G2E3: variants seen among roughly 807,000 people sequenced by gnomAD.
G2E3 encodes G2/M-phase specific E3 ubiquitin protein ligase.
In G2E3, 35 loss-of-function variants were observed where a neutral mutation model predicts 92.8. The observed-to-expected ratio is 0.38, with a 90% confidence interval of 0.29 to 0.50. The LOEUF (loss-of-function observed/expected upper bound fraction) is 0.50, where lower values mean the gene tolerates loss of function less well. Ranked by LOEUF, G2E3 falls within the 20% of genes least tolerant of loss-of-function variation. G2E3 has a pLI of 0.94. For synonymous variants in G2E3, 242 were observed against 272.4 expected (o/e 0.89, Z 1.10); for missense variants, 554 against 823.8 (o/e 0.67, Z 4.01).
At chr14:30,581,459 CA>C in intron 2 of G2E3, among the ~76,000 whole-genome samples, 1 of 152,216 alleles carries the variant, frequency 6.6e-6, no homozygotes, top group Non-Finnish European at 1.5e-5. Flanking sequence ...GCAATTCCAG[CA>C]CTTTACGAGG....
intron 1 of G2E3, chr14:30,560,139 A>G (rs560686777): frequency 4.0e-5 from 6 of 151,064 alleles, no homozygotes; most frequent in Admixed American, 6.6e-5. Context: ...TTAATGATGA[A>G]CTATCTGAAA....
At chr14:30,588,752 A>G (rs1880851863) in intron 3 of G2E3, among the ~76,000 whole-genome samples, 1 of 152,154 alleles carries the variant, frequency 6.6e-6, no homozygotes, top group Non-Finnish European at 1.5e-5. Flanking sequence ...CTTGCAAGCC[A>G]GGATTTCTTA....
chr14:30,577,188 G>C (rs1278533301), intron 1 of G2E3, among the ~76,000 whole-genome samples: 1 of 125,780 alleles, frequency 8.0e-6, no homozygotes, highest in Admixed American at 1.0e-4. Context: ...TTGCGTCACT[G>C]CAATCCAGCC....
chr14:30,589,464 G>A lies in G2E3; in HGVS notation c.217G>A (p.Val73Met). The part of the protein sequence containing the change: ...GFLIEDIRKE[V>M]NRASKLKCCV... Reference sequence around the variant, plus strand: ...TCTAATAGAAGATATCAGGAAGGAAGTGAATAGAGCTTCTAAACTGGTAAG... The same window carrying A: ...TCTAATAGAAGATATCAGGAAGGAAATGAATAGAGCTTCTAAACTGGTAAG... Residue 73 changes from valine (V) to methionine (M), a missense_variant, in exon 4 of 15, where the codon GTG (valine) becomes ATG (methionine). Physicochemically the swap from Val to Met is conservative, Grantham distance 21. Around this residue, in one of 3 missense-constraint regions of G2E3, gnomAD observed 137 missense variants for 201.3 expected, o/e 0.68. Coordinates refer to ENST00000206595, the MANE Select transcript of G2E3 (RefSeq NM_017769.5). 1 of 1,555,820 alleles carries A rather than the reference G, an allele frequency of 6.4e-7. No homozygotes were observed. The highest frequency in any genetic ancestry group is 8.9e-7 in the Non-Finnish European group (1 of 1,128,448).
intron 1 of G2E3, among the ~76,000 whole-genome samples, chr14:30,571,737 C>CT (rs1159007605): frequency 6.6e-6 from 1 of 152,000 alleles, no homozygotes; most frequent in African/African-American, 2.4e-5. Flanking sequence ...GGGTCTGTTT[C>CT]TGGCCTTTCC....
At chr14:30,613,099 A>AAAC (rs1390734549) in intron 13 of G2E3, among the ~76,000 whole-genome samples, 1 of 152,160 alleles carries the variant, frequency 6.6e-6, no homozygotes, top group Admixed American at 6.5e-5. Context: ...CCTTTAGTTT[A>AAAC]GAACACTGGT....
chr14:30,561,870 C>T (rs1879121203), intron 1 of G2E3, among the ~76,000 whole-genome samples: 2 of 149,280 alleles, frequency 1.3e-5, no homozygotes, highest in East Asian at 2.0e-4. Context: ...TAAGGCTTGG[C>T]TTTTTTCTGA....
intron 1 of G2E3, among the ~76,000 whole-genome samples, chr14:30,562,667 G>C (rs923466891): frequency 2.0e-5 from 3 of 152,044 alleles, no homozygotes; most frequent in Admixed American, 6.5e-5. Context: ...CCTGACACCA[G>C]TCAGGCCCAC....
rs1881405870 is a variant in G2E3, at chr14:30,598,621, T to G, written c.752+22T>G. 4 of 1,384,604 alleles carry G rather than the reference T, an allele frequency of 2.9e-6. No homozygotes were observed. The South Asian group carries it at 3.5e-5, about 12-fold the overall frequency. The allele number at this position is 1,384,604 out of a possible 1,614,324, so 85.8% of individuals were successfully genotyped here. A position where few individuals can be genotyped will look rare whatever the true frequency, so the allele number is the denominator to read the frequency against. ...ATAGGTATTTCTGAAAGTTCAGTTGTGCTTAGTGGTTCCTTGTTTAAACCT... is the reference window on the plus strand; with the variant it reads ...ATAGGTATTTCTGAAAGTTCAGTTGGGCTTAGTGGTTCCTTGTTTAAACCT... On this transcript the variant is annotated intron_variant, in intron 8 of 14. Coordinates refer to ENST00000206595, the MANE Select transcript of G2E3 (RefSeq NM_017769.5).
At chr14:30,603,065 C>T (rs1183865605) in intron 10 of G2E3, among the ~76,000 whole-genome samples, 5 of 152,142 alleles carry the variant, frequency 3.3e-5, no homozygotes, top group Non-Finnish European at 5.9e-5. Context: ...TCGTGGCTCA[C>T]GCCTGTAATC....
At chr14:30,602,228 G>C in intron 10 of G2E3, 97 bp downstream of exon 10, 1 of 917,448 alleles carries the variant, frequency 1.1e-6, no homozygotes, top group Non-Finnish European at 1.6e-6. Context: ...TGATCATACA[G>C]TAGTCTAGAA....
intron 1 of G2E3, among the ~76,000 whole-genome samples, chr14:30,578,098 TA>T (rs963298233): frequency 5.3e-5 from 8 of 151,994 alleles, no homozygotes; most frequent in South Asian, 4.2e-4. Context: ...GAATAGTACT[TA>T]TTTTTTTTAC....
At chr14:30,577,721 C>T (rs974652353) in intron 1 of G2E3, 1 of 152,178 alleles carries the variant, frequency 6.6e-6, no homozygotes, top group Non-Finnish European at 1.5e-5. Context: ...ATTGTCATTT[C>T]TGCCACAGTC....
At chr14:30,590,799 T>A in intron 4 of G2E3, 1 of 454,194 alleles carries the variant, frequency 2.2e-6, no homozygotes, top group Non-Finnish European at 4.4e-6. Flanking sequence ...AACTTCCTGG[T>A]GATAGTGAGC....
chr14:30,569,327 C>T (rs1879621283), intron 1 of G2E3, among the ~76,000 whole-genome samples: 1 of 152,102 alleles, frequency 6.6e-6, no homozygotes, highest in African/African-American at 2.4e-5. Context: ...TCCTGCTTTG[C>T]ATATAAGAAC....
intron 2 of G2E3, among the ~76,000 whole-genome samples, chr14:30,584,971 A>G (rs1339229838): frequency 6.6e-6 from 1 of 151,682 alleles, no homozygotes; most frequent in Non-Finnish European, 1.5e-5. Flanking sequence ...AGCTGGGATT[A>G]CAGGCACACA....
rs1858969398 is a variant in G2E3 at position 30,615,915 on chromosome 14, C to T, written c.1865-363C>T. Among the ~76,000 whole-genome samples the T allele has an allele frequency of 2.0e-5, 3 of 152,136 alleles. No individual in the cohort carries two copies. In the South Asian group the frequency reaches 6.2e-4, roughly 31 times the overall value. ...TCAGGGCTATAACAATGATATTTATCATTGAGCATTAGCAGTGTAAAATCA... is the reference window on the plus strand; with the variant it reads ...TCAGGGCTATAACAATGATATTTATTATTGAGCATTAGCAGTGTAAAATCA... On this transcript the variant is annotated intron_variant, in intron 14 of 14. Transcript: ENST00000206595.
chr14:30,615,213 G>C, intron 13 of G2E3, 136 bp from the exon 14 acceptor site: 1 of 539,940 alleles, frequency 1.9e-6, no homozygotes, highest in Non-Finnish European at 3.3e-6. Flanking sequence ...ATTGTCTCTT[G>C]TGGGGGTTTT....
intron 1 of G2E3, chr14:30,580,775 G>T (rs933806355): frequency 7.2e-6 from 2 of 279,258 alleles, no homozygotes; most frequent in Non-Finnish European, 1.3e-5. Flanking sequence ...ATCGTTTGTT[G>T]TGTAGGACTG....
Sources: gnomAD v4.1 joint callset for allele counts (sites outside exome capture counted in the v4.1 genomes callset) on GRCh38, gnomAD v4.1.1 for gene constraint, gnomAD v4.1.1 regional missense constraint, MANE v1.5 for transcripts, NCBI Gene and HGNC (gene_info 2026-07-23, HGNC 2026-07-21) for gene names.